The following PARD3B variants were observed in gnomAD, a reference collection of about 807,000 sequenced individuals.
PARD3B encodes par-3 family cell polarity regulator beta.
A neutral mutation model predicts 130.2 loss-of-function variants in PARD3B; 103 were observed. The observed-to-expected ratio is 0.79, with a 90% CI of 0.67 to 0.93. The LOEUF is 0.93. Ranked by LOEUF, PARD3B falls within the 40% of genes least tolerant of loss-of-function variation. The pLI is 0.00. For missense variants in PARD3B, 1,609 were observed against 1,499.2 expected (o/e 1.07, Z -1.21); for synonymous variants, 583 against 553.2 (o/e 1.05, Z -0.76).
At chr2:204,566,076 CA>C (rs1312909583) in intron 1 of PARD3B, among the ~76,000 whole-genome samples, 2 of 152,222 alleles carry the variant, frequency 1.3e-5, no homozygotes, top group Non-Finnish European at 2.9e-5. Context: ...TACCTCCATT[CA>C]AGCTAAGGCA....
intron 1 of PARD3B, among the ~76,000 whole-genome samples, chr2:204,627,224 A>C (rs2034518061): frequency 6.6e-6 from 1 of 152,106 alleles, no homozygotes; most frequent in African/African-American, 2.4e-5. Context: ...TAAATTACCT[A>C]GTCTTGGGTA....
chr2:205,190,041 C>T (rs2036309413), intron 14 of PARD3B, among the ~76,000 whole-genome samples: 1 of 152,142 alleles, frequency 6.6e-6, no homozygotes, highest in Non-Finnish European at 1.5e-5. Context: ...ATGTACAGTG[C>T]AGCCTTTTAT....
chr2:204,727,941 T>C (rs973150185), intron 2 of PARD3B, among the ~76,000 whole-genome samples: 1 of 152,104 alleles, frequency 6.6e-6, no homozygotes, highest in African/African-American at 2.4e-5. Flanking sequence ...GGTGGGTTGT[T>C]GTGTCAAAAT....
chr2:204,761,553 G>GTT (rs1215472400), intron 2 of PARD3B, among the ~76,000 whole-genome samples: 2 of 146,580 alleles, frequency 1.4e-5, no homozygotes, highest in African/African-American at 5.1e-5. Context: ...ACCCATAGTT[G>GTT]TTTTTTTTTA....
At chr2:204,916,007 C>T (rs73053153) in intron 2 of PARD3B, among the ~76,000 whole-genome samples, 2 of 152,176 alleles carry the variant, frequency 1.3e-5, no homozygotes, top group East Asian at 3.9e-4. Context: ...CAGTAGCTGC[C>T]CCAGTCATAT....
At chr2:205,107,594 A>T (rs1267477581) in intron 5 of PARD3B, among the ~76,000 whole-genome samples, 5 of 152,214 alleles carry the variant, frequency 3.3e-5, no homozygotes, top group Non-Finnish European at 7.3e-5. Flanking sequence ...TGAATCCTCC[A>T]AAGGGTTTCT....
At chr2:204,933,434 T>C (rs1688173250) in intron 2 of PARD3B, among the ~76,000 whole-genome samples, 1 of 152,214 alleles carries the variant, frequency 6.6e-6, no homozygotes, top group South Asian at 2.1e-4. Context: ...TTTTAACTAA[T>C]GAAGTGTGGC....
intron 1 of PARD3B, among the ~76,000 whole-genome samples, chr2:204,667,231 G>A (rs2036066020): frequency 6.6e-6 from 1 of 152,132 alleles, no homozygotes. Context: ...CAGGGGCTGT[G>A]TTCCCTTGTT....
At chr2:205,087,497 CT>C (rs535390182) in intron 4 of PARD3B, among the ~76,000 whole-genome samples, 1 of 151,284 alleles carries the variant, frequency 6.6e-6, no homozygotes, top group African/African-American at 2.4e-5. Context: ...TACATTTTCT[CT>C]TTTTTTTTCT....
In PARD3B at chr2:205,592,623, G is replaced by A. The variant is rs970207023; in HGVS notation, c.3261-22833G>A. 2.0e-5 allele frequency among the ~76,000 whole-genome samples: 3 copies of A among 152,144 alleles called. No homozygotes were observed. The highest frequency in any genetic ancestry group is 4.8e-5 in the African/African-American group (2 of 41,426). On this transcript the variant is annotated intron_variant, in intron 22 of 22. Transcript: ENST00000406610. The surrounding 1 kb of genome is among the most constrained non-coding windows in gnomAD (Gnocchi z 4.5). ...TTTCCCATACAACTATAATGCCTGC[G>A]TTATATTTAAGGTTTTTCATGATCT...
intron 1 of PARD3B, among the ~76,000 whole-genome samples, chr2:204,632,642 C>A (rs1360511933): frequency 1.3e-5 from 2 of 152,112 alleles, no homozygotes; most frequent in Non-Finnish European, 2.9e-5. Context: ...GTGCCCAAGG[C>A]CCTGGTGGCC....
At chr2:204,672,220 G>A (rs1396489908) in intron 1 of PARD3B, among the ~76,000 whole-genome samples, 3 of 152,216 alleles carry the variant, frequency 2.0e-5, no homozygotes. Flanking sequence ...TTTATTAGCA[G>A]GCTATTTTCT....
chr2:204,881,571 T>C (rs1473344211), intron 2 of PARD3B, among the ~76,000 whole-genome samples: 1 of 152,196 alleles, frequency 6.6e-6, no homozygotes, highest in African/African-American at 2.4e-5. Context: ...TTTTGAGTTA[T>C]AGATCTCGTT....
intron 22 of PARD3B, among the ~76,000 whole-genome samples, chr2:205,588,495 T>C (rs75026062): frequency 1.3e-5 from 2 of 152,132 alleles, no homozygotes; most frequent in African/African-American, 4.8e-5. Context: ...TGTTTTTTTT[T>C]CAAGTGTGAG....
intron 2 of PARD3B, among the ~76,000 whole-genome samples, chr2:204,765,645 TA>T (rs201997640): frequency 6.6e-6 from 1 of 151,690 alleles, no homozygotes; most frequent in Non-Finnish European, 1.5e-5. Context: ...TGCTATGCAA[TA>T]AAAAAAAATT....
chr2:205,290,576 A>G (rs982477460), intron 16 of PARD3B, among the ~76,000 whole-genome samples: 16 of 152,344 alleles, frequency 1.1e-4, no homozygotes, highest in African/African-American at 3.8e-4. Flanking sequence ...AAATCACAAA[A>G]TACCTTTGGA....
At chr2:205,391,224 G>A (rs1184017286) in intron 18 of PARD3B, among the ~76,000 whole-genome samples, 3 of 152,232 alleles carry the variant, frequency 2.0e-5, no homozygotes, top group Admixed American at 2.0e-4. Flanking sequence ...AGGAGGTAGA[G>A]AAAAGGGAAG....
At chr2:205,069,471 C>T (rs978216196) in intron 4 of PARD3B, among the ~76,000 whole-genome samples, 10 of 151,998 alleles carry the variant, frequency 6.6e-5, no homozygotes, top group Non-Finnish European at 1.5e-4. Context: ...TTTCTGACCA[C>T]CATTGAAGTG....
intron 1 of PARD3B, among the ~76,000 whole-genome samples, chr2:204,670,861 C>A (rs1454703663): frequency 6.6e-6 from 1 of 151,856 alleles, no homozygotes; most frequent in Non-Finnish European, 1.5e-5. Flanking sequence ...GCTTTTTTTC[C>A]GTTCTTTTTA....
Sources: allele counts gnomAD v4.1 joint callset (sites outside exome capture counted in the v4.1 genomes callset), GRCh38; gene constraint gnomAD v4.1.1; non-coding constraint Gnocchi (gnomAD v3.1); transcripts MANE v1.5; gene names NCBI Gene and HGNC (gene_info 2026-07-23, HGNC 2026-07-21).